TMEM131L: variants seen among roughly 807,000 people sequenced by gnomAD.
TMEM131L encodes the protein transmembrane 131 like, also known as transmembrane protein 131-like.
A neutral mutation model predicts 192.2 loss-of-function variants in TMEM131L; 54 were observed. The ratio of observed to expected loss-of-function variants is 0.28; its 90% CI spans 0.23 to 0.35. The LOEUF (loss-of-function observed/expected upper bound fraction) is 0.35, where lower values mean the gene tolerates loss of function less well. Among genes scored for constraint, TMEM131L ranks in the 10% least tolerant of loss-of-function variants. TMEM131L has a pLI of 1.00. For missense variants in TMEM131L, 1,888 were observed against 1,972.9 expected (o/e 0.96, Z 0.82); for synonymous variants, 701 against 704.9 (o/e 0.99, Z 0.09).
intron 26 of TMEM131L, among the ~76,000 whole-genome samples, chr4:153,612,695 T>C (rs925506768): frequency 1.3e-5 from 2 of 152,182 alleles, no homozygotes; most frequent in Non-Finnish European, 2.9e-5. Context: ...TCCTTCTATC[T>C]AGTTATTACT....
intron 3 of TMEM131L, among the ~76,000 whole-genome samples, chr4:153,484,578 C>G (rs1372826863): frequency 6.6e-6 from 1 of 150,876 alleles, no homozygotes; most frequent in East Asian, 2.0e-4. Flanking sequence ...ATGCCATTCT[C>G]CTGCCTCAGC....
At chr4:153,516,769 G>A (rs963468978) in intron 3 of TMEM131L, among the ~76,000 whole-genome samples, 1 of 151,962 alleles carries the variant, frequency 6.6e-6, no homozygotes, top group Admixed American at 6.6e-5. Context: ...AGTTTCTTAC[G>A]AGCCTCCCAG....
chr4:153,524,936 T>C (rs1455021789), intron 3 of TMEM131L, among the ~76,000 whole-genome samples: 1 of 152,168 alleles, frequency 6.6e-6, no homozygotes, highest in Non-Finnish European at 1.5e-5. Context: ...AGGTATGATA[T>C]TGGCTTCATG....
chr4:153,606,092 A>G (rs1273837044), intron 25 of TMEM131L, among the ~76,000 whole-genome samples: 2 of 152,182 alleles, frequency 1.3e-5, no homozygotes, highest in African/African-American at 4.8e-5. Context: ...AAATCAAACC[A>G]TGGCATACCT....
At chr4:153,568,367 T>G (rs1252690403) in intron 7 of TMEM131L, among the ~76,000 whole-genome samples, 1 of 152,232 alleles carries the variant, frequency 6.6e-6, no homozygotes, top group African/African-American at 2.4e-5. Context: ...ATCTCGGCTT[T>G]CTTGGCTACT....
intron 3 of TMEM131L, among the ~76,000 whole-genome samples, chr4:153,534,758 G>A (rs1271180861): frequency 6.6e-6 from 1 of 152,210 alleles, no homozygotes; most frequent in African/African-American, 2.4e-5. Flanking sequence ...TGATGGAGAT[G>A]AGGGAGTTTG....
intron 7 of TMEM131L, among the ~76,000 whole-genome samples, chr4:153,568,516 A>G (rs1729372916): frequency 6.6e-6 from 1 of 152,174 alleles, no homozygotes; most frequent in African/African-American, 2.4e-5. Flanking sequence ...ATAATACTCA[A>G]AAGCTTTTGT....
In TMEM131L at chr4:153,633,215, G is replaced by A. The variant is rs758549690; in HGVS notation, c.4328+377G>A. On this transcript the variant is annotated intron_variant, in intron 32 of 34. Coordinates refer to ENST00000409959, the MANE Select transcript of TMEM131L (RefSeq NM_001131007.2). ...AACACGTTTAACGTTGTATTTATTC[G>A]TTTGTTTATTTATTTTTTAGAGACA... 6.2e-5 allele frequency: 6 copies of A among 96,466 alleles called. No individual in the cohort carries two copies. In the East Asian group the frequency reaches 1.1e-3, roughly 18 times the overall value. 6.0% of individuals were successfully genotyped at this position (96,466 alleles called of 1,614,324 possible).
At chr4:153,557,831 C>T (rs1728575359) in intron 6 of TMEM131L, among the ~76,000 whole-genome samples, 1 of 152,182 alleles carries the variant, frequency 6.6e-6, no homozygotes, top group Admixed American at 6.5e-5. Flanking sequence ...GGCAGGGTCT[C>T]ACTTTGTTGC....
chr4:153,552,430 C>T (rs1475903338), intron 4 of TMEM131L, among the ~76,000 whole-genome samples: 5 of 152,028 alleles, frequency 3.3e-5, no homozygotes, highest in Non-Finnish European at 7.4e-5. Flanking sequence ...TACAGTTGTC[C>T]CTCGTTATCC....
intron 33 of TMEM131L, 71 bp downstream of exon 33, chr4:153,634,351 C>T: frequency 1.6e-6 from 2 of 1,239,250 alleles, no homozygotes; most frequent in Non-Finnish European, 2.4e-6. Context: ...AGTGTGTGGA[C>T]TAAGAAGAAT....
chr4:153,601,518 CCCTGTGTCTAAAACAAACAAACA>C (rs1731838163), intron 21 of TMEM131L, among the ~76,000 whole-genome samples: 1 of 152,202 alleles, frequency 6.6e-6, no homozygotes, highest in Non-Finnish European at 1.5e-5. Flanking sequence ...CAGAGTGAGA[CCCTGTGTCTAAAACAAACAAACA>C]CCTGTAGAAC....
Position 153,549,873 on chromosome 4 carries a change from A to G in TMEM131L, c.240-200A>G, listed in dbSNP as rs144378127. Among the ~76,000 whole-genome samples the G allele has an allele frequency of 3.3e-3, 501 of 152,354 alleles. 2 individuals are homozygous for G. The highest frequency in any genetic ancestry group is 0.011 in the African/African-American group (477 of 41,578). On this transcript the variant is annotated intron_variant, in intron 3 of 34. Coordinates refer to ENST00000409959, the MANE Select transcript of TMEM131L (RefSeq NM_001131007.2). ...ATCTGTACATTTGATATGAAGTTCT[A>G]CTAACCGTAATCTTAAATTATCTTA...
chr4:153,534,201 T>C (rs1254670793), intron 3 of TMEM131L, among the ~76,000 whole-genome samples: 1 of 152,182 alleles, frequency 6.6e-6, no homozygotes, highest in Admixed American at 6.5e-5. Context: ...GCAAACCAAA[T>C]AGACCAAAAT....
intron 28 of TMEM131L, among the ~76,000 whole-genome samples, chr4:153,622,178 C>T (rs1733472497): frequency 6.6e-6 from 1 of 152,148 alleles, no homozygotes; most frequent in South Asian, 2.1e-4. Flanking sequence ...ATAGTGCTAC[C>T]CCCGTGCCTG....
chr4:153,598,337 GTCA>G (rs1731593362), intron 20 of TMEM131L, among the ~76,000 whole-genome samples: 1 of 152,096 alleles, frequency 6.6e-6, no homozygotes, highest in East Asian at 1.9e-4. Context: ...TTGGAAGGGG[GTCA>G]TCATTGTTTA....
chr4:153,491,700 G>GT (rs541626749), intron 3 of TMEM131L, among the ~76,000 whole-genome samples: 60 of 151,742 alleles, frequency 4.0e-4, no homozygotes, highest in African/African-American at 1.2e-3. Context: ...TAGAGTGTGG[G>GT]TTTTTTCTTT....
rs749039492 is a variant in TMEM131L at position 153,466,438 on chromosome 4, G to T, written c.41G>T (p.Arg14Leu). The T allele has an allele frequency of 3.5e-6, 5 of 1,410,124 alleles. No individual in the cohort carries two copies. The highest frequency in any genetic ancestry group is 1.5e-5 in the South Asian group (1 of 67,746). 87.4% of individuals were successfully genotyped at this position (1,410,124 alleles called of 1,614,324 possible). ...LRRPQPGCYC[R>L]TAAAVNLLLG... is the part of the protein sequence containing the mutation. ...CGCCCGCAGCCCGGCTGCTACTGCC[G>T]CACCGCGGCGGCCGTGAACCTCCTG... Residue 14 changes from arginine to leucine, a missense_variant, in exon 1 of 35, where the codon CGC becomes CTC. By Grantham distance (102) the Arg-to-Leu change is moderately radical. Transcript: ENST00000409959.
At chr4:153,622,810 ACTC>A (rs1733531094) in intron 28 of TMEM131L, 85 bp from the exon 29 acceptor site, 4 of 1,332,946 alleles carry the variant, frequency 3.0e-6, no homozygotes, top group East Asian at 2.3e-5. Context: ...ACCTGGCCCT[ACTC>A]CTCCTGTCAC....
Sources: gnomAD v4.1 joint callset for allele counts (sites outside exome capture counted in the v4.1 genomes callset) on GRCh38, gnomAD v4.1.1 for gene constraint, MANE v1.5 for transcripts, NCBI Gene and HGNC (gene_info 2026-07-23, HGNC 2026-07-21) for gene names.